Variants in CLGN observed in about 807,000 individuals in gnomAD.
CLGN encodes the protein testis tissue sperm-binding protein Li 79P.
In CLGN, 62 loss-of-function variants were observed where a neutral mutation model predicts 79.1. That is an observed-to-expected ratio of 0.78 (90% CI 0.64 to 0.97). The LOEUF (loss-of-function observed/expected upper bound fraction) is 0.97. Among genes scored for constraint, CLGN ranks in the 50% least tolerant of loss-of-function variants. The probability of loss-of-function intolerance (pLI) is 0.00; values close to 1 mark genes in which losing one functional copy is unlikely to be tolerated. For synonymous variants in CLGN, 225 were observed against 224.7 expected, an observed-to-expected ratio of 1.00 and a Z score of -0.01; for missense variants, 647 against 715.5, an observed-to-expected ratio of 0.90 and a Z score of 1.09.
At chr4:140,407,022 C>G (rs571945181) in intron 4 of CLGN, among the ~76,000 whole-genome samples, 2 of 151,624 alleles carry the variant, frequency 1.3e-5, no homozygotes, top group Non-Finnish European at 2.9e-5. Flanking sequence ...TTTTTTCTTT[C>G]TAAGAAAAAT....
chr4:140,405,809 T>C, intron 5 of CLGN, 133 bp downstream of exon 5: 2 of 784,012 alleles, frequency 2.6e-6, no homozygotes, highest in Non-Finnish European at 2.0e-6. Context: ...ATATGCACAT[T>C]TGTGTTTTAA....
chr4:140,390,815 T>C, intron 13 of CLGN, 87 bp from the exon 14 acceptor site: 1 of 715,748 alleles, frequency 1.4e-6, no homozygotes, highest in African/African-American at 1.9e-5. Flanking sequence ...ATGGGATTTA[T>C]TTAAATTCCA....
chr4:140,388,920 T>C lies in CLGN; in HGVS notation c.*304A>G. 1 of 248,628 alleles carries C rather than the reference T, an allele frequency of 4.0e-6. No individual in the cohort carries two copies. The allele number at this position is 248,628 out of a possible 1,614,324, so 15.4% of individuals were successfully genotyped here. On this transcript the variant is annotated 3_prime_UTR_variant, in exon 15 of 15. Coordinates refer to ENST00000325617, the MANE Select transcript of CLGN (RefSeq NM_004362.3). ...TTCCAATAGCAATGAAGCTGCTACATATTATTTTGTTCTGTACAAACCAAA... is the reference window on the plus strand; with the variant it reads ...TTCCAATAGCAATGAAGCTGCTACACATTATTTTGTTCTGTACAAACCAAA...
In CLGN at chr4:140,389,067, T is replaced by A. The variant is rs921339322; in HGVS notation, c.*157A>T. On this transcript the variant is annotated 3_prime_UTR_variant, in exon 15 of 15. Coordinates refer to ENST00000325617, the MANE Select transcript of CLGN (RefSeq NM_004362.3). ...AGGTAACTTCAAAGTTGCTTCTTTT[T>A]CCTCTGAAATGAAGGACTAAAATAA... is the stretch of plus-strand genomic sequence containing the variant. 6.6e-6 allele frequency: 4 copies of A among 609,722 alleles called. No homozygotes were observed. The allele number at this position is 609,722 out of a possible 1,614,324, so 37.8% of individuals were successfully genotyped here.
chr4:140,404,205 T>C (rs1729051435), intron 5 of CLGN, among the ~76,000 whole-genome samples: 1 of 152,056 alleles, frequency 6.6e-6, no homozygotes, highest in Non-Finnish European at 1.5e-5. Flanking sequence ...GCCATTCTCC[T>C]GCCTCAGCCT....
rs1257479516 is a variant in CLGN at position 140,408,253 on chromosome 4, C to T, written c.277+1584G>A. On this transcript the variant is annotated intron_variant, in intron 4 of 14. Coordinates refer to ENST00000325617, the MANE Select transcript of CLGN (RefSeq NM_004362.3). ...AGAAGATAACACCAGAAAAACTCTT[C>T]TAGACATTGGCTTAGGCAAAGAATT... Among the ~76,000 whole-genome samples, 26 of 152,096 alleles carry T rather than the reference C, an allele frequency of 1.7e-4. 1 individual carries two copies. The highest frequency in any genetic ancestry group is 1.6e-3 in the Admixed American group (25 of 15,274).
chr4:140,402,525 C>T (rs1309664615), intron 5 of CLGN, among the ~76,000 whole-genome samples: 3 of 152,048 alleles, frequency 2.0e-5, no homozygotes, highest in Non-Finnish European at 4.4e-5. Context: ...TTACACCTTA[C>T]CATGTTAAAT....
chr4:140,390,556 T>C (rs1728753707), intron 14 of CLGN, 72 bp downstream of exon 14: 4 of 951,866 alleles, frequency 4.2e-6, no homozygotes, highest in Admixed American at 2.6e-5. Context: ...TCATAAATCA[T>C]ATTGGTGCTT....
At chr4:140,397,274 A>T (rs1389948303) in intron 8 of CLGN, among the ~76,000 whole-genome samples, 10 of 152,020 alleles carry the variant, frequency 6.6e-5, no homozygotes, top group Admixed American at 6.6e-4. Flanking sequence ...ATTTCTGCCC[A>T]TGTGGTAGGT....
intron 8 of CLGN, among the ~76,000 whole-genome samples, chr4:140,396,877 A>G (rs886320330): frequency 1.6e-5 from 1 of 63,122 alleles, no homozygotes; most frequent in East Asian, 3.8e-4. Flanking sequence ...ATATATACAT[A>G]TATATATATA....
intron 1 of CLGN, among the ~76,000 whole-genome samples, 186 bp from the exon 2 acceptor site, chr4:140,413,273 A>G (rs1291503413): frequency 1.3e-5 from 2 of 152,240 alleles, no homozygotes. Context: ...CAAATCTTGT[A>G]GGAAACAGAT....
In CLGN at chr4:140,418,222, A is replaced by T. The variant is rs1359031887; in HGVS notation, c.-9-5135T>A. ...TAATTCAAGATGGATTAAAGGCTTA[A>T]ACGTTAGACCTAAAACCATAAAAAC... On this transcript the variant is annotated intron_variant, in intron 1 of 14. Transcript: ENST00000325617. Among the ~76,000 whole-genome samples, 12 of 152,252 alleles carry T rather than the reference A, an allele frequency of 7.9e-5. No individual in the cohort carries two copies. In the East Asian group the frequency reaches 2.3e-3, roughly 29 times the overall value.
In CLGN at chr4:140,413,020, T is replaced by C. The variant is rs1729243891; in HGVS notation, c.59A>G (p.Glu20Gly). 1 of 1,613,356 alleles carries C rather than the reference T, an allele frequency of 6.2e-7. No homozygotes were observed. Among genetic ancestry groups the C allele is most frequent in the Non-Finnish European group, 8.5e-7 (1 of 1,179,506 alleles). The change falls in exon 2 of 15, where the codon GAA becomes GGA. Residue 20 changes from glutamate (E) to glycine (G), a missense_variant. Physicochemically the swap from Glu to Gly is moderately conservative, Grantham distance 98 (BLOSUM62 -2). Transcript: ENST00000325617. ...CGTCTCAACATCATCATCCATAAAT[T>C]CTGCATTAATTGAGATGAACAGAAG... is the stretch of plus-strand genomic sequence containing the variant. The part of the protein sequence containing the change: ...LGLLFISINA[E>G]FMDDDVETED...
intron 7 of CLGN, among the ~76,000 whole-genome samples, chr4:140,399,965 T>G (rs1303648505): frequency 6.6e-6 from 1 of 152,212 alleles, no homozygotes; most frequent in Non-Finnish European, 1.5e-5. Context: ...TTTTTATTTT[T>G]TAGTTTTCTG....
intron 1 of CLGN, 56 bp downstream of exon 1, chr4:140,427,481 C>T (rs1055767900): frequency 5.2e-5 from 8 of 152,382 alleles, no homozygotes; most frequent in Non-Finnish European, 7.3e-5. Flanking sequence ...TTCCTCACCC[C>T]AATCTGCGCG....
rs147428278 is a variant in CLGN at position 140,388,973 on chromosome 4, A to G, written c.*251T>C. 399 of 410,220 alleles carry G rather than the reference A, an allele frequency of 9.7e-4. 2 individuals are homozygous for G. In the East Asian group the frequency reaches 0.015, roughly 15 times the overall value. 25.4% of individuals were successfully genotyped at this position (410,220 alleles called of 1,614,324 possible). On this transcript the variant is annotated 3_prime_UTR_variant, in exon 15 of 15. Transcript: ENST00000325617. The stretch of plus-strand genomic sequence containing the variant: ...TATCTCCAAACAACTAAAACTGTGT[A>G]ACTTCTAATGGTATTAATCTCTTAG...
chr4:140,414,473 A>G (rs1729282981), intron 1 of CLGN, among the ~76,000 whole-genome samples: 1 of 151,692 alleles, frequency 6.6e-6, no homozygotes, highest in Non-Finnish European at 1.5e-5. Flanking sequence ...CAGAATGTAT[A>G]ACTAGAATAA....
intron 7 of CLGN, among the ~76,000 whole-genome samples, chr4:140,399,622 T>G (rs1728962738): frequency 6.6e-6 from 1 of 152,208 alleles, no homozygotes; most frequent in Admixed American, 6.5e-5. Context: ...TGAAATACTT[T>G]AATCTTGGGT....
At chr4:140,393,722 T>C in intron 11 of CLGN, 104 bp downstream of exon 11, 1 of 931,298 alleles carries the variant, frequency 1.1e-6, no homozygotes, top group East Asian at 2.6e-5. Flanking sequence ...TAGTAGTTAC[T>C]GCACATTTAT....
Sources: allele counts gnomAD v4.1 joint callset (sites outside exome capture counted in the v4.1 genomes callset), GRCh38; gene constraint gnomAD v4.1.1; transcripts MANE v1.5; gene names NCBI Gene and HGNC (gene_info 2026-07-23, HGNC 2026-07-21).